GRID2: variants seen among roughly 807,000 people sequenced by gnomAD.
GRID2 encodes glutamate ionotropic receptor delta type subunit 2.
A neutral mutation model predicts 114.8 loss-of-function variants in GRID2; 33 were observed. The ratio of observed to expected loss-of-function variants is 0.29; its 90% CI spans 0.22 to 0.38. The LOEUF is 0.38. Among genes scored for constraint, GRID2 ranks in the 10% least tolerant of loss-of-function variants. GRID2 has a pLI of 1.00. For missense variants in GRID2, 1,184 were observed against 1,257.7 expected (o/e 0.94, Z 0.89); for synonymous variants, 505 against 449.9 (o/e 1.12, Z -1.55).
At chr4:93,363,563 A>G (rs1762070725) in intron 8 of GRID2, among the ~76,000 whole-genome samples, 2 of 151,926 alleles carry the variant, frequency 1.3e-5, no homozygotes, top group South Asian at 4.2e-4. Context: ...TTTTGTTGTT[A>G]CTGTTGTGTG....
At chr4:92,378,033 T>A (rs1038283701) in intron 1 of GRID2, among the ~76,000 whole-genome samples, 1 of 151,938 alleles carries the variant, frequency 6.6e-6, no homozygotes, top group Non-Finnish European at 1.5e-5. Flanking sequence ...ACAGCAAAAA[T>A]TACTGTCTTT....
At chr4:93,590,967 G>A (rs1228327436) in intron 13 of GRID2, among the ~76,000 whole-genome samples, 2 of 151,548 alleles carry the variant, frequency 1.3e-5, no homozygotes, top group East Asian at 1.9e-4. Context: ...TGAGACGATG[G>A]GGTTTTCTAG....
intron 8 of GRID2, among the ~76,000 whole-genome samples, chr4:93,369,565 T>C (rs1239870516): frequency 1.3e-5 from 2 of 152,146 alleles, no homozygotes; most frequent in Admixed American, 6.6e-5. Context: ...CATGGCTCAC[T>C]GCAGCATCAC....
intron 13 of GRID2, among the ~76,000 whole-genome samples, chr4:93,575,975 G>A (rs1198439577): frequency 6.6e-6 from 1 of 152,024 alleles, no homozygotes; most frequent in East Asian, 1.9e-4. Context: ...TTTTGAGTTT[G>A]GGCAGTCTTA....
intron 2 of GRID2, among the ~76,000 whole-genome samples, chr4:92,964,369 A>G (rs371480847): frequency 6.6e-6 from 1 of 151,958 alleles, no homozygotes; most frequent in African/African-American, 2.4e-5. Context: ...GGAGGGGAAC[A>G]TCACACACCG....
chr4:92,506,186 G>A (rs538588106), intron 1 of GRID2, among the ~76,000 whole-genome samples: 2 of 152,032 alleles, frequency 1.3e-5, no homozygotes, highest in South Asian at 4.1e-4. Flanking sequence ...ACAAAATATA[G>A]CATGCAGTAA....
At chr4:92,372,778 T>C (rs1198716751) in intron 1 of GRID2, among the ~76,000 whole-genome samples, 1 of 152,154 alleles carries the variant, frequency 6.6e-6, no homozygotes, top group South Asian at 2.1e-4. Flanking sequence ...ATAGTTACTA[T>C]GCCCATTTGT....
intron 9 of GRID2, among the ~76,000 whole-genome samples, chr4:93,407,783 C>G (rs1371904988): frequency 1.2e-5 from 1 of 82,146 alleles, no homozygotes; most frequent in African/African-American, 9.1e-5. Context: ...TCCTCATCCT[C>G]CTCGTCCTCC....
intron 2 of GRID2, among the ~76,000 whole-genome samples, chr4:92,923,278 A>G (rs1321196836): frequency 2.2e-4 from 33 of 152,156 alleles, no homozygotes; most frequent in Admixed American, 2.2e-3. Flanking sequence ...TTAGTGAAGA[A>G]CTAACATGTT....
chr4:92,672,463 C>G (rs557681317), intron 2 of GRID2, among the ~76,000 whole-genome samples: 12 of 152,156 alleles, frequency 7.9e-5, no homozygotes, highest in Non-Finnish European at 1.3e-4. Flanking sequence ...ACAGCTTTCT[C>G]CAGTCTTTTA....
chr4:92,450,167 C>G (rs1002673523), intron 1 of GRID2, among the ~76,000 whole-genome samples: 16 of 151,956 alleles, frequency 1.1e-4, no homozygotes, highest in Admixed American at 9.8e-4. Context: ...AAAATTTTAT[C>G]AATAATAGTG....
At chr4:93,357,255 T>G (rs1001950896) in intron 8 of GRID2, among the ~76,000 whole-genome samples, 4 of 151,656 alleles carry the variant, frequency 2.6e-5, no homozygotes, top group African/African-American at 7.2e-5. Flanking sequence ...AGTATGTACA[T>G]TTCTTTGATT....
At chr4:93,582,653 TTA>T (rs1737096534) in intron 13 of GRID2, among the ~76,000 whole-genome samples, 1 of 152,190 alleles carries the variant, frequency 6.6e-6, no homozygotes, top group South Asian at 2.1e-4. Flanking sequence ...CAAAATGTAT[TTA>T]TCTCTCTCAT....
At chr4:93,780,353 T>C (rs1734455422) in intron 1 of GRID2, among the ~76,000 whole-genome samples, 1 of 152,174 alleles carries the variant, frequency 6.6e-6, no homozygotes. Context: ...TGGGCATGTC[T>C]AAAGAATAGC....
intron 8 of GRID2, among the ~76,000 whole-genome samples, chr4:93,241,802 T>G (rs1331336962): frequency 3.8e-5 from 5 of 130,894 alleles, no homozygotes; most frequent in Non-Finnish European, 6.7e-5. Flanking sequence ...AGTAGAAAAG[T>G]AAAAAAAAAA....
intron 2 of GRID2, among the ~76,000 whole-genome samples, chr4:92,894,048 A>C (rs1177355703): frequency 6.6e-6 from 1 of 152,168 alleles, no homozygotes; most frequent in East Asian, 1.9e-4. Context: ...CAAGCTAGCA[A>C]GTCTTTTGGT....
At chr4:93,376,438 C>T (rs776094312) in intron 8 of GRID2, among the ~76,000 whole-genome samples, 1 of 150,216 alleles carries the variant, frequency 6.7e-6, no homozygotes, top group South Asian at 2.1e-4. Flanking sequence ...GCTCGGGAAA[C>T]TACAGAAAAA....
chr4:93,102,720 A>T (rs1387203207), intron 3 of GRID2, among the ~76,000 whole-genome samples: 1 of 151,350 alleles, frequency 6.6e-6, no homozygotes, highest in Non-Finnish European at 1.5e-5. Flanking sequence ...AAGGAAAAGA[A>T]ATATTGGGAA....
At chr4:93,128,029 A>AC in intron 4 of GRID2, among the ~76,000 whole-genome samples, 1 of 119,672 alleles carries the variant, frequency 8.4e-6, no homozygotes, top group East Asian at 2.5e-4. Context: ...CCCCGCAACA[A>AC]AAAAAAAAAA....
Sources: allele counts gnomAD v4.1 joint callset (sites outside exome capture counted in the v4.1 genomes callset), GRCh38; gene constraint gnomAD v4.1.1; transcripts MANE v1.5; gene names NCBI Gene and HGNC (gene_info 2026-07-23, HGNC 2026-07-21).